Variants in PRTN3 observed in about 807,000 individuals in gnomAD.
The protein encoded by PRTN3 is proteinase 3.
A neutral mutation model predicts 20.7 loss-of-function variants in PRTN3; 22 were observed. That is an observed-to-expected ratio of 1.06 (90% CI 0.76 to 1.52). The LOEUF is 1.52. PRTN3 is among the 40% of genes most tolerant of loss of function. The probability of loss-of-function intolerance (pLI) is 0.00; values close to 1 mark genes in which losing one functional copy is unlikely to be tolerated. For synonymous variants in PRTN3, 173 were observed against 152.9 expected (o/e 1.13, Z -0.97); for missense variants, 378 against 359.6 (o/e 1.05, Z -0.41).
At chr19:845,044 T>G (rs2035498901) in intron 3 of PRTN3, among the ~76,000 whole-genome samples, 1 of 150,076 alleles carries the variant, frequency 6.7e-6, no homozygotes, top group Non-Finnish European at 1.5e-5. Flanking sequence ...GCCTTCCAGG[T>G]TCAAGTAATT....
Position 846,227 on chromosome 19 carries a change from C to G in PRTN3, c.450C>G (p.Thr150=), listed in dbSNP as rs766071044. Residue 150 remains threonine, a synonymous_variant, in exon 4 of 5, where the codon ACC becomes ACG. Transcript: ENST00000234347. ...AGGACCAGCCAGTGCCCCACGGCAC[C>G]CAGTGCCTGGCCATGGGCTGGGGCC... ...PQQDQPVPHG[T]QCLAMGWGRV... The G allele has an allele frequency of 9.7e-6, 15 of 1,551,042 alleles. No individual in the cohort carries two copies. Among genetic ancestry groups the G allele is most frequent in the Non-Finnish European group, 1.2e-5 (14 of 1,147,632 alleles).
intron 1 of PRTN3, among the ~76,000 whole-genome samples, chr19:842,939 G>C (rs1305811793): frequency 6.6e-6 from 1 of 151,326 alleles, no homozygotes; most frequent in Admixed American, 6.6e-5. Flanking sequence ...TTTAGAGACA[G>C]GGTCTTGCTC....
rs2035480669 is a variant in PRTN3, at chr19:843,959, GCA to G, written c.296_297del (p.His99LeufsTer87). Reference sequence around the variant, plus strand: ...TGCGGACGCAGGAGCCCACCCAGCAGCACTTCTCGGTGGCTCAGGTGTTTCTG... The same window carrying G: ...TGCGGACGCAGGAGCCCACCCAGCAGCTTCTCGGTGGCTCAGGTGTTTCTG... ...NVRTQEPTQQHFSVAQVFLNN... is the reference protein window; with the variant it reads ...NVRTQEPTQQXFSVAQVFLNN... On this transcript the variant is annotated frameshift_variant, in exon 3 of 5. Transcript: ENST00000234347. LOFTEE classifies it high-confidence loss of function. 1 of 1,603,388 alleles carries G rather than the reference GCA, an allele frequency of 6.2e-7. No homozygotes were observed. The highest frequency in any genetic ancestry group is 2.3e-5 in the East Asian group (1 of 44,412).
chr19:841,917 C>G (rs62132297), intron 1 of PRTN3, among the ~76,000 whole-genome samples: 34,633 of 151,150 alleles, frequency 0.23, 4,619 homozygotes, highest in Middle Eastern at 0.32. Flanking sequence ...TTTGTAGAGA[C>G]GGGGTTTCAA....
chr19:845,300 C>T (rs1304834451), intron 3 of PRTN3, among the ~76,000 whole-genome samples: 2 of 151,534 alleles, frequency 1.3e-5, no homozygotes, highest in Non-Finnish European at 2.9e-5. Flanking sequence ...CGCCAAGCCA[C>T]TCATGAGCTG....
chr19:841,075 T>A lies in PRTN3; in HGVS notation c.61+6T>A. 1.2e-6 allele frequency: 2 copies of A among 1,603,906 alleles called. No homozygotes were observed. The highest frequency in any genetic ancestry group is 1.7e-6 in the Non-Finnish European group (2 of 1,179,742). On this transcript the variant is annotated splice_donor_region_variant and intron_variant, in intron 1 of 4. Coordinates refer to ENST00000234347, the MANE Select transcript of PRTN3 (RefSeq NM_002777.4). ...GCTGGCCTTGCTGCTGAGCGGTGAG[T>A]GAGCCACGTGCCCATCCATCCAGCC...
chr19:844,520 C>G (rs1214461539), intron 3 of PRTN3, among the ~76,000 whole-genome samples: 6 of 123,056 alleles, frequency 4.9e-5, no homozygotes, highest in Middle Eastern at 3.9e-3. Context: ...CCCTGCCTGC[C>G]CCTCTCCCCT....
At chr19:842,819 C>A (rs2145125752) in intron 1 of PRTN3, among the ~76,000 whole-genome samples, 1 of 152,172 alleles carries the variant, frequency 6.6e-6, no homozygotes, top group African/African-American at 2.4e-5. Flanking sequence ...ATCTCTTGAC[C>A]TCAGGTGATC....
chr19:847,579 G>GAGAA lies in PRTN3; in HGVS notation c.601-205_601-202dup, dbSNP rs1399587447. On this transcript the variant is annotated intron_variant, in intron 4 of 4. Transcript: ENST00000234347. ...AAAGAGAGAGAGAGAGAGAGAGAGA[G>GAGAA]AGAAAGAAAGAAAGAAAGTTCCATA... 9.6e-4 allele frequency among the ~76,000 whole-genome samples: 138 copies of GAGAA among 143,812 alleles called. 2 individuals carry two copies. The South Asian group carries it at 0.01, about 11-fold the overall frequency. The allele number at this position is 143,812 out of a possible 152,430, so 94.3% of individuals were successfully genotyped here. A position where few individuals can be genotyped will look rare whatever the true frequency, so the allele number is the denominator to read the frequency against.
intron 4 of PRTN3, among the ~76,000 whole-genome samples, chr19:846,641 G>A (rs1362590599): frequency 3.3e-5 from 5 of 152,186 alleles, no homozygotes; most frequent in South Asian, 2.1e-4. Flanking sequence ...AGACCCATCC[G>A]CCCTCACCGG....
At chr19:844,404 C>T (rs1284615652) in intron 3 of PRTN3, among the ~76,000 whole-genome samples, 3 of 75,660 alleles carry the variant, frequency 4.0e-5, no homozygotes, top group African/African-American at 6.3e-5. Flanking sequence ...CCCCTGCCCG[C>T]GCCTCTCCCC....
intron 3 of PRTN3, among the ~76,000 whole-genome samples, chr19:844,325 TCTCCCTTGCCCGCC>T (rs1200015610): frequency 1.1e-5 from 1 of 93,348 alleles, no homozygotes; most frequent in East Asian, 3.7e-4. Context: ...CGCCCGCGCC[TCTCCCTTGCCCGCC>T]CCTCTCCCCT....
At chr19:845,136 C>T (rs1055485084) in intron 3 of PRTN3, among the ~76,000 whole-genome samples, 36 of 151,738 alleles carry the variant, frequency 2.4e-4, no homozygotes, top group African/African-American at 8.5e-4. Context: ...TTAGTAGAGA[C>T]GGTGTTTTGC....
chr19:846,331 A>G lies in PRTN3; in HGVS notation c.554A>G (p.His185Arg). ...VTVVTFFCRP[H>R]NICTFVPRRK... Reference sequence around the variant, plus strand: ...GTGGTCACCTTCTTCTGCCGGCCACATAACATTTGCACTTTCGTCCCTCGC... The same window carrying G: ...GTGGTCACCTTCTTCTGCCGGCCACGTAACATTTGCACTTTCGTCCCTCGC... The change falls in exon 4 of 5, where the codon CAT becomes CGT. Residue 185 changes from histidine to arginine, a missense_variant. Coordinates refer to ENST00000234347, the MANE Select transcript of PRTN3 (RefSeq NM_002777.4). 1.3e-6 allele frequency: 2 copies of G among 1,589,094 alleles called. No homozygotes were observed. Among genetic ancestry groups the G allele is most frequent in the Middle Eastern group, 1.7e-4 (1 of 6,040 alleles).
chr19:847,710 G>A (rs1165248750), intron 4 of PRTN3, 89 bp from the exon 5 acceptor site: 1 of 1,457,744 alleles, frequency 6.9e-7, no homozygotes, highest in South Asian at 1.4e-5. Context: ...GGGAGACTCA[G>A]GTGGCCCCTG....
chr19:846,581 TG>T (rs2035520086), intron 4 of PRTN3, among the ~76,000 whole-genome samples: 1 of 152,118 alleles, frequency 6.6e-6, no homozygotes, highest in African/African-American at 2.4e-5. Context: ...TGGGTGGGTC[TG>T]GGGGTTCCCT....
chr19:848,130 G>A lies in PRTN3; in HGVS notation c.*161G>A. The stretch of plus-strand genomic sequence containing the variant: ...CCACGGGGCTCCGGGAGACAGGCCG[G>A]CCCTGCACCTCACCCCACCGTGACC... On this transcript the variant is annotated 3_prime_UTR_variant, in exon 5 of 5. Transcript: ENST00000234347. The A allele has an allele frequency of 1.2e-6, 1 of 851,272 alleles. No individual in the cohort carries two copies. Among genetic ancestry groups the A allele is most frequent in the Non-Finnish European group, 1.8e-6 (1 of 566,676 alleles). The allele number at this position is 851,272 out of a possible 1,614,324, so 52.7% of individuals were successfully genotyped here.
At chr19:841,200 C>T (rs2035433628) in intron 1 of PRTN3, 131 bp downstream of exon 1, 1 of 1,226,932 alleles carries the variant, frequency 8.2e-7, no homozygotes, top group South Asian at 1.4e-5. Context: ...GGGGAGACTC[C>T]ACTCACTGCT....
chr19:841,597 C>CGAATGAATGAGT (rs1319775993), intron 1 of PRTN3, among the ~76,000 whole-genome samples: 1 of 57,092 alleles, frequency 1.8e-5, no homozygotes, highest in African/African-American at 6.4e-5. Flanking sequence ...AATGAGTGAA[C>CGAATGAATGAGT]GAATGAATGA....
Sources: allele counts gnomAD v4.1 joint callset (sites outside exome capture counted in the v4.1 genomes callset), GRCh38; gene constraint gnomAD v4.1.1; transcripts MANE v1.5; gene names NCBI Gene and HGNC (gene_info 2026-07-23, HGNC 2026-07-21).